AMBRA1: variants seen among roughly 807,000 people sequenced by gnomAD.
The protein encoded by AMBRA1 is activating molecule in BECN1-regulated autophagy protein 1.
Under a neutral mutation model 125.4 loss-of-function variants are expected in AMBRA1, and 47 were observed. That is an observed-to-expected ratio of 0.37 (90% confidence interval 0.30 to 0.48). AMBRA1 has a LOEUF of 0.48. Among genes scored for constraint, AMBRA1 ranks in the 20% least tolerant of loss-of-function variants. The probability of loss-of-function intolerance (pLI) is 0.99; values close to 1 mark genes in which losing one functional copy is unlikely to be tolerated. For synonymous variants in AMBRA1, 626 were observed against 655.5 expected (o/e 0.95, Z 0.69); for missense variants, 1,331 against 1,693.4 (o/e 0.79, Z 3.76).
intron 15 of AMBRA1, 82 bp downstream of exon 15, chr11:46,417,831 A>C: frequency 6.9e-7 from 1 of 1,439,686 alleles, no homozygotes; most frequent in Non-Finnish European, 9.3e-7. Context: ...TTTCCCTTCT[A>C]AAAGACCCCA....
chr11:46,589,368 AT>A (rs989810978), intron 1 of AMBRA1, among the ~76,000 whole-genome samples: 67 of 152,354 alleles, frequency 4.4e-4, no homozygotes, highest in African/African-American at 1.5e-3. Flanking sequence ...ACAAACAGAA[AT>A]TAAGACACTG....
At chr11:46,557,950 C>T (rs541308259) in intron 1 of AMBRA1, among the ~76,000 whole-genome samples, 2 of 152,124 alleles carry the variant, frequency 1.3e-5, no homozygotes, top group South Asian at 2.1e-4. Context: ...CCAGCCTGGG[C>T]GACTGAGCAA....
At chr11:46,551,871 T>C (rs1320324773) in intron 1 of AMBRA1, among the ~76,000 whole-genome samples, 2 of 151,612 alleles carry the variant, frequency 1.3e-5, no homozygotes, top group African/African-American at 2.4e-5. Context: ...CTACTAAAAA[T>C]ACAAAAATTA....
chr11:46,506,923 T>A (rs1052327142), intron 9 of AMBRA1, among the ~76,000 whole-genome samples: 1 of 150,016 alleles, frequency 6.7e-6, no homozygotes, highest in Admixed American at 6.7e-5. Context: ...CCCAGCACTT[T>A]GGGAGGCCAA....
intron 1 of AMBRA1, among the ~76,000 whole-genome samples, chr11:46,577,901 T>C (rs1296558441): frequency 6.6e-6 from 1 of 151,764 alleles, no homozygotes; most frequent in Non-Finnish European, 1.5e-5. Flanking sequence ...AGTGAGCCGA[T>C]ATAGCACCAC....
chr11:46,582,776 G>A (rs895817554), intron 1 of AMBRA1, among the ~76,000 whole-genome samples: 9 of 152,020 alleles, frequency 5.9e-5, no homozygotes, highest in African/African-American at 1.2e-4. Flanking sequence ...AATGCAAAGC[G>A]CTTACTACAG....
intron 11 of AMBRA1, among the ~76,000 whole-genome samples, chr11:46,476,303 C>G (rs571571094): frequency 9.2e-5 from 14 of 152,222 alleles, no homozygotes; most frequent in Admixed American, 3.3e-4. Flanking sequence ...GGCAGGTGAA[C>G]GAGTAGGGTG....
chr11:46,429,068 T>C (rs894746060), intron 14 of AMBRA1: 11 of 1,610,358 alleles, frequency 6.8e-6, no homozygotes, highest in African/African-American at 2.7e-5. Flanking sequence ...CTTAGGCATG[T>C]GGACATCCTT....
chr11:46,525,868 C>T lies in AMBRA1; in HGVS notation c.2073-13055G>A, dbSNP rs539418100. ...TGGAGGTTGCAGTGAGCAGAGATCA[C>T]GCCATTGCACTCCAGCCTGGGTGAC... On this transcript the variant is annotated intron_variant, in intron 7 of 17. Transcript: ENST00000683756. Among the ~76,000 whole-genome samples, 26 of 151,776 alleles carry T rather than the reference C, an allele frequency of 1.7e-4. No homozygotes were observed. In the East Asian group the frequency reaches 3.3e-3, roughly 19 times the overall value.
At chr11:46,560,509 G>A (rs573324062) in intron 1 of AMBRA1, among the ~76,000 whole-genome samples, 14 of 152,196 alleles carry the variant, frequency 9.2e-5, no homozygotes, top group African/African-American at 2.9e-4. Flanking sequence ...GATCAAAACC[G>A]GAAATAGAAA....
intron 11 of AMBRA1, among the ~76,000 whole-genome samples, chr11:46,485,982 G>A (rs1021389994): frequency 1.2e-4 from 18 of 152,184 alleles, no homozygotes; most frequent in Admixed American, 1.0e-3. Context: ...GTGCTATAAG[G>A]CAACTGGGAA....
chr11:46,468,911 A>AG (rs1164212576), intron 11 of AMBRA1, among the ~76,000 whole-genome samples: 1 of 152,186 alleles, frequency 6.6e-6, no homozygotes, highest in Non-Finnish European at 1.5e-5. Context: ...CAGGAGGCCA[A>AG]GGCAGGTGGA....
At chr11:46,492,714 C>A (rs928014717) in intron 11 of AMBRA1, among the ~76,000 whole-genome samples, 3 of 152,148 alleles carry the variant, frequency 2.0e-5, no homozygotes, top group African/African-American at 4.8e-5. Context: ...TCACGTCATG[C>A]CTCACAGCCG....
chr11:46,422,237 T>G (rs896728726), intron 14 of AMBRA1, among the ~76,000 whole-genome samples: 1 of 152,164 alleles, frequency 6.6e-6, no homozygotes, highest in Admixed American at 6.5e-5. Flanking sequence ...CCCTGGTATA[T>G]GACGAATGCT....
intron 1 of AMBRA1, among the ~76,000 whole-genome samples, chr11:46,571,349 A>T (rs1016964054): frequency 6.6e-6 from 1 of 152,214 alleles, no homozygotes; most frequent in South Asian, 2.1e-4. Context: ...ATACAGAGTT[A>T]AAAGTGACTT....
intron 11 of AMBRA1, among the ~76,000 whole-genome samples, chr11:46,468,643 A>C (rs1410555133): frequency 6.6e-6 from 1 of 150,988 alleles, no homozygotes; most frequent in Non-Finnish European, 1.5e-5. Flanking sequence ...CTAAAAATAC[A>C]AAAAAATACA....
At chr11:46,569,370 A>G (rs1380020599) in intron 1 of AMBRA1, among the ~76,000 whole-genome samples, 1 of 149,064 alleles carries the variant, frequency 6.7e-6, no homozygotes, top group Non-Finnish European at 1.5e-5. Context: ...ATCATATATA[A>G]CACACATTAC....
intron 1 of AMBRA1, among the ~76,000 whole-genome samples, chr11:46,578,882 CAAAAAA>C (rs71042607): frequency 1.6e-4 from 4 of 24,454 alleles, no homozygotes; most frequent in Admixed American, 1.6e-3. Flanking sequence ...GACTCAGTCT[CAAAAAA>C]AAAAAAAAAA....
At chr11:46,574,132 G>C (rs1456462730) in intron 1 of AMBRA1, among the ~76,000 whole-genome samples, 1 of 143,162 alleles carries the variant, frequency 7.0e-6, no homozygotes, top group African/African-American at 2.7e-5. Flanking sequence ...ACATACATGT[G>C]CATGTGTCTT....
Sources: allele counts gnomAD v4.1 joint callset (sites outside exome capture counted in the v4.1 genomes callset), GRCh38; gene constraint gnomAD v4.1.1; transcripts MANE v1.5; gene names NCBI Gene and HGNC (gene_info 2026-07-23, HGNC 2026-07-21).